Variants in MYO3B observed in about 807,000 individuals in gnomAD.
MYO3B encodes the protein myosin-IIIb.
A neutral mutation model predicts 174.6 loss-of-function variants in MYO3B; 156 were observed. The ratio of observed to expected loss-of-function variants is 0.89; its 90% CI spans 0.78 to 1.02. The LOEUF is 1.02. MYO3B is among the 50% of genes least tolerant of loss of function. The pLI is 0.00. For synonymous variants in MYO3B, 563 were observed against 569.1 expected (o/e 0.99, Z 0.15); for missense variants, 1,632 against 1,639.4 (o/e 1.00, Z 0.08).
chr2:170,231,759 G>C (rs2093018384), intron 6 of MYO3B, among the ~76,000 whole-genome samples: 1 of 152,196 alleles, frequency 6.6e-6, no homozygotes, highest in South Asian at 2.1e-4. Flanking sequence ...TCACACCTCA[G>C]AATAATGTAC....
At chr2:170,454,046 T>G (rs756000535) in intron 23 of MYO3B, among the ~76,000 whole-genome samples, 1 of 152,176 alleles carries the variant, frequency 6.6e-6, no homozygotes, top group Non-Finnish European at 1.5e-5. Flanking sequence ...TAGCAGTTTC[T>G]TCAGAGATCC....
chr2:170,422,395 T>A (rs187168303), intron 22 of MYO3B, among the ~76,000 whole-genome samples: 28 of 152,276 alleles, frequency 1.8e-4, no homozygotes, highest in Admixed American at 1.4e-3. Flanking sequence ...AAGTGTTTAC[T>A]TGGCTCTCTT....
chr2:170,418,807 CT>C (rs1387800417), intron 22 of MYO3B, among the ~76,000 whole-genome samples: 2 of 134,380 alleles, frequency 1.5e-5, no homozygotes, highest in Non-Finnish European at 1.7e-5. Flanking sequence ...GAGGCAATTA[CT>C]TTAAAAAAAA....
At chr2:170,387,552 G>C (rs2094385457) in intron 14 of MYO3B, among the ~76,000 whole-genome samples, 1 of 152,150 alleles carries the variant, frequency 6.6e-6, no homozygotes, top group Non-Finnish European at 1.5e-5. Context: ...TGAGTTGGTT[G>C]TGTCAGGTAG....
intron 32 of MYO3B, among the ~76,000 whole-genome samples, chr2:170,569,517 A>AG (rs1692290454): frequency 7.7e-6 from 1 of 129,536 alleles, no homozygotes; most frequent in African/African-American, 2.9e-5. Flanking sequence ...AACTGGGCTG[A>AG]GTTTTTTTTT....
At chr2:170,403,683 C>G (rs2094492946) in intron 19 of MYO3B, among the ~76,000 whole-genome samples, 1 of 152,168 alleles carries the variant, frequency 6.6e-6, no homozygotes, top group Non-Finnish European at 1.5e-5. Flanking sequence ...TTAATGCAGG[C>G]ATGAGGACGC....
intron 3 of MYO3B, among the ~76,000 whole-genome samples, chr2:170,211,228 A>G (rs1306275612): frequency 6.6e-6 from 1 of 152,234 alleles, no homozygotes; most frequent in Non-Finnish European, 1.5e-5. Flanking sequence ...GGCAAGCCAA[A>G]TGGAGAAAAA....
In MYO3B at chr2:170,411,900, G is replaced by A. The variant is rs1168072614; in HGVS notation, c.2650+4056G>A. On this transcript the variant is annotated intron_variant, in intron 22 of 34. Transcript: ENST00000408978. ...GTTCTCAGTGACCTTGTGGTAAAAGGAGGCAGCCACAGTCAATATGAATTC... is the reference window on the plus strand; with the variant it reads ...GTTCTCAGTGACCTTGTGGTAAAAGAAGGCAGCCACAGTCAATATGAATTC... The A allele has an allele frequency of 2.0e-5, 3 of 152,214 alleles. 1 individual carries two copies. The highest frequency in any genetic ancestry group is 2.9e-5 in the Non-Finnish European group (2 of 68,040). 9.4% of individuals were successfully genotyped at this position (152,214 alleles called of 1,614,324 possible). A position where few individuals can be genotyped will look rare whatever the true frequency, so the allele number is the denominator to read the frequency against.
chr2:170,232,055 G>C (rs145112195), intron 6 of MYO3B, among the ~76,000 whole-genome samples: 168 of 152,234 alleles, frequency 1.1e-3, no homozygotes, highest in African/African-American at 3.7e-3. Flanking sequence ...TGGAAAACCT[G>C]GTCCCAAAGA....
intron 32 of MYO3B, among the ~76,000 whole-genome samples, chr2:170,580,718 A>ATGTGTGTGTGTGTGTG (rs59092368): frequency 9.1e-5 from 13 of 142,702 alleles, no homozygotes; most frequent in South Asian, 2.3e-4. Context: ...AACCTTATAT[A>ATGTGTGTGTGTGTGTG]TGTGTGTGTG....
intron 9 of MYO3B, among the ~76,000 whole-genome samples, chr2:170,369,656 A>G (rs2094225402): frequency 6.7e-6 from 1 of 148,758 alleles, no homozygotes. Flanking sequence ...ATCAACAAAT[A>G]TATATATTTA....
chr2:170,386,324 C>T (rs760450350), intron 13 of MYO3B, 52 bp downstream of exon 13: 5 of 1,445,154 alleles, frequency 3.5e-6, no homozygotes, highest in Non-Finnish European at 4.8e-6. Flanking sequence ...TACAGAGTAA[C>T]TGCATATTTG....
At chr2:170,384,871 C>T (rs1243204625) in intron 12 of MYO3B, among the ~76,000 whole-genome samples, 4 of 152,100 alleles carry the variant, frequency 2.6e-5, no homozygotes, top group Middle Eastern at 3.2e-3. Context: ...ACAGATTAAG[C>T]GATTAGTGCC....
intron 9 of MYO3B, among the ~76,000 whole-genome samples, chr2:170,371,771 T>C (rs2105695456): frequency 6.6e-6 from 1 of 150,958 alleles, no homozygotes; most frequent in Admixed American, 6.6e-5. Flanking sequence ...TTCTGCACAG[T>C]TATGGCCACC....
chr2:170,346,132 G>A (rs2094014119), intron 8 of MYO3B: 1 of 152,172 alleles, frequency 6.6e-6, no homozygotes, highest in Non-Finnish European at 1.5e-5. Context: ...TTCCTAAGCT[G>A]TGGGATAGTA....
chr2:170,339,841 T>C (rs1339912514), intron 8 of MYO3B, among the ~76,000 whole-genome samples: 1 of 152,230 alleles, frequency 6.6e-6, no homozygotes, highest in Non-Finnish European at 1.5e-5. Flanking sequence ...AATGCAATGC[T>C]CACATAAATT....
At chr2:170,283,509 A>G (rs1465239860) in intron 7 of MYO3B, among the ~76,000 whole-genome samples, 1 of 152,022 alleles carries the variant, frequency 6.6e-6, no homozygotes, top group African/African-American at 2.4e-5. Context: ...TCTCCCCTAT[A>G]GTGTTTAAAT....
chr2:170,290,142 A>G (rs1370736048), intron 7 of MYO3B, among the ~76,000 whole-genome samples: 1 of 152,070 alleles, frequency 6.6e-6, no homozygotes, highest in Admixed American at 6.6e-5. Context: ...CATTCTGGAA[A>G]ATGTCCTGTG....
chr2:170,637,383 G>A (rs1257218574), intron 32 of MYO3B, among the ~76,000 whole-genome samples: 1 of 152,016 alleles, frequency 6.6e-6, no homozygotes, highest in Non-Finnish European at 1.5e-5. Context: ...ATGTTGGACA[G>A]GCTGGTCTTA....
Sources: allele counts gnomAD v4.1 joint callset (sites outside exome capture counted in the v4.1 genomes callset), GRCh38; gene constraint gnomAD v4.1.1; transcripts MANE v1.5; gene names NCBI Gene and HGNC (gene_info 2026-07-23, HGNC 2026-07-21).